The following ERBB4 variants were observed in gnomAD, a reference collection of about 807,000 sequenced individuals.
ERBB4 encodes the protein receptor tyrosine-protein kinase erbB-4.
In ERBB4, 42 loss-of-function variants were observed where a neutral mutation model predicts 158.0. The ratio of observed to expected loss-of-function variants is 0.27; its 90% CI spans 0.21 to 0.34. The LOEUF is 0.34. Ranked by LOEUF, ERBB4 falls within the 10% of genes least tolerant of loss-of-function variation. The pLI, the probability that ERBB4 is intolerant of heterozygous loss-of-function variation, is 1.00. For synonymous variants in ERBB4, 583 were observed against 558.7 expected, an observed-to-expected ratio of 1.04 and a Z score of -0.61; for missense variants, 1,333 against 1,624.1, an observed-to-expected ratio of 0.82 and a Z score of 3.08.
intron 20 of ERBB4, among the ~76,000 whole-genome samples, chr2:211,486,666 C>T (rs2065211163): frequency 6.6e-6 from 1 of 151,950 alleles, no homozygotes; most frequent in African/African-American, 2.4e-5. Context: ...TTACTATAAC[C>T]ATCCATGACC....
At chr2:211,657,529 C>T (rs895166363) in intron 16 of ERBB4, 3 of 510,934 alleles carry the variant, frequency 5.9e-6, no homozygotes, top group Admixed American at 3.2e-5. Flanking sequence ...AAAAAGAAAT[C>T]GATGGTGTTA....
At chr2:211,859,530 T>A (rs7564311) in intron 3 of ERBB4, among the ~76,000 whole-genome samples, 1 of 152,208 alleles carries the variant, frequency 6.6e-6, no homozygotes, top group Non-Finnish European at 1.5e-5. Flanking sequence ...TTATGTTTAA[T>A]AAAGTTTAAT....
chr2:211,709,952 C>T (rs1397100548), intron 9 of ERBB4, among the ~76,000 whole-genome samples: 3 of 152,082 alleles, frequency 2.0e-5, no homozygotes, highest in Non-Finnish European at 4.4e-5. Context: ...CACAAAAATG[C>T]CTTCTAATCT....
intron 3 of ERBB4, among the ~76,000 whole-genome samples, chr2:211,799,866 A>G (rs1559528856): frequency 6.6e-6 from 1 of 152,168 alleles, no homozygotes; most frequent in Non-Finnish European, 1.5e-5. Flanking sequence ...ATTTCCTGTC[A>G]TAAATACCCT....
At position 211,868,031 on chromosome 2, in the gene ERBB4, C is replaced by T. The variant is rs1198679698; in HGVS notation, c.421+79399G>A. Among the ~76,000 whole-genome samples, 4 of 152,186 alleles carry T rather than the reference C, an allele frequency of 2.6e-5. No individual in the cohort carries two copies. In the East Asian group the frequency reaches 7.7e-4, roughly 29 times the overall value. On this transcript the variant is annotated intron_variant, in intron 3 of 27. Coordinates refer to ENST00000342788, the MANE Select transcript of ERBB4 (RefSeq NM_005235.3). ...ATAGTACTTTTTGAAGTTCCAGATT[C>T]TACTATGATATCCAAGACTATATAC...
At chr2:212,178,485 G>A (rs987250055) in intron 1 of ERBB4, among the ~76,000 whole-genome samples, 1 of 151,758 alleles carries the variant, frequency 6.6e-6, no homozygotes, top group African/African-American at 2.4e-5. Flanking sequence ...GCATTAGAGT[G>A]AGAGGTGTCA....
intron 2 of ERBB4, among the ~76,000 whole-genome samples, chr2:212,070,431 T>G (rs548739919): frequency 6.6e-6 from 1 of 152,198 alleles, no homozygotes; most frequent in South Asian, 2.1e-4. Context: ...GGATTCATAC[T>G]TTCTGGTTTC....
At chr2:211,960,025 T>C (rs542099715) in intron 2 of ERBB4, among the ~76,000 whole-genome samples, 36 of 152,198 alleles carry the variant, frequency 2.4e-4, no homozygotes, top group African/African-American at 8.4e-4. Flanking sequence ...CTGAGGAATA[T>C]TGGAGAAGGA....
chr2:211,651,306 T>G (rs2070972953), intron 16 of ERBB4, among the ~76,000 whole-genome samples: 1 of 152,152 alleles, frequency 6.6e-6, no homozygotes, highest in African/African-American at 2.4e-5. Flanking sequence ...TATGGCAAAG[T>G]TGCATGACAC....
intron 20 of ERBB4, among the ~76,000 whole-genome samples, chr2:211,541,323 T>C (rs905758560): frequency 2.0e-5 from 3 of 151,962 alleles, no homozygotes; most frequent in Non-Finnish European, 2.9e-5. Context: ...ACTTTTTGTG[T>C]CTCCCTAGAC....
At chr2:212,278,291 A>G (rs2085622548) in intron 1 of ERBB4, among the ~76,000 whole-genome samples, 2 of 151,800 alleles carry the variant, frequency 1.3e-5, no homozygotes. Context: ...GGGCCAACTC[A>G]TCAGCACAAG....
chr2:211,713,466 C>T (rs757213757), intron 8 of ERBB4, 69 bp downstream of exon 8: 38 of 954,182 alleles, frequency 4.0e-5, no homozygotes, highest in Non-Finnish European at 6.1e-5. Flanking sequence ...AGTTGGTCTA[C>T]TTAAAAGTGA....
At chr2:211,774,264 G>C (rs1210532113) in intron 4 of ERBB4, among the ~76,000 whole-genome samples, 1 of 151,938 alleles carries the variant, frequency 6.6e-6, no homozygotes, top group African/African-American at 2.4e-5. Flanking sequence ...TAGAGACGGG[G>C]TTTCACCATG....
In ERBB4 at chr2:211,665,419, T is replaced by C; in HGVS notation, c.1775A>G (p.Lys592Arg). Residue 592 changes from lysine (K) to arginine (R), a missense_variant, in exon 15 of 28, where the codon AAA (lysine) becomes AGA (arginine). Transcript: ENST00000342788. ...HFKDGPNCVE[K>R]CPDGLQGANS... is the part of the protein sequence containing the mutation. ...TGCCCCCTGTAAGCCATCTGGACATTTTTCCACACAGTTTGGGCCATCTTT... is the reference window on the plus strand; with the variant it reads ...TGCCCCCTGTAAGCCATCTGGACATCTTTCCACACAGTTTGGGCCATCTTT... The C allele has an allele frequency of 6.2e-7, 1 of 1,614,120 alleles. No homozygotes were observed. The highest frequency in any genetic ancestry group is 8.5e-7 in the Non-Finnish European group (1 of 1,180,018).
At chr2:212,413,971 G>A (rs1032239616) in intron 1 of ERBB4, among the ~76,000 whole-genome samples, 5 of 152,158 alleles carry the variant, frequency 3.3e-5, no homozygotes, top group Non-Finnish European at 7.4e-5. Flanking sequence ...ATTCATCTGT[G>A]AAATAGTGAT....
At chr2:211,424,115 T>C (rs751006496) in intron 23 of ERBB4, 40 bp downstream of exon 23, 3 of 1,587,198 alleles carry the variant, frequency 1.9e-6, no homozygotes, top group South Asian at 2.2e-5. Context: ...ATTACTTTAC[T>C]AAGAATGATG....
intron 1 of ERBB4, among the ~76,000 whole-genome samples, chr2:212,433,785 TAACAA>T (rs1321986745): frequency 6.6e-6 from 1 of 151,982 alleles, no homozygotes; most frequent in African/African-American, 2.4e-5. Flanking sequence ...ATCTTCAACA[TAACAA>T]ATCAAACACA....
intron 2 of ERBB4, among the ~76,000 whole-genome samples, chr2:212,008,400 A>G (rs2076304314): frequency 6.6e-6 from 1 of 152,054 alleles, no homozygotes. Flanking sequence ...CTTCCTTATC[A>G]TATTATCATT....
chr2:211,630,427 C>T (rs370325974), intron 17 of ERBB4, 35 bp downstream of exon 17: 231 of 1,611,556 alleles, frequency 1.4e-4, no homozygotes, highest in Non-Finnish European at 1.8e-4. Flanking sequence ...GATGAAAATC[C>T]CCAAACACAT....
Sources: allele counts gnomAD v4.1 joint callset (sites outside exome capture counted in the v4.1 genomes callset), GRCh38; gene constraint gnomAD v4.1.1; transcripts MANE v1.5; gene names NCBI Gene and HGNC (gene_info 2026-07-23, HGNC 2026-07-21).